The following SRSF11 variants were observed in gnomAD, a reference collection of about 807,000 sequenced individuals.
SRSF11 encodes serine/arginine-rich splicing factor 11.
Under a neutral mutation model 56.0 loss-of-function variants are expected in SRSF11, and 9 were observed. That is an observed-to-expected ratio of 0.16 (90% CI 0.10 to 0.28). The LOEUF (loss-of-function observed/expected upper bound fraction) is 0.28. Ranked by LOEUF, SRSF11 falls within the 10% of genes least tolerant of loss-of-function variation. SRSF11 has a pLI of 1.00. For synonymous variants in SRSF11, 222 were observed against 215.3 expected (o/e 1.03, Z -0.27); for missense variants, 421 against 600.7 (o/e 0.70, Z 3.13).
At chr1:70,232,595 C>T (rs888726449) in intron 3 of SRSF11, among the ~76,000 whole-genome samples, 2 of 152,140 alleles carry the variant, frequency 1.3e-5, no homozygotes, top group Admixed American at 6.5e-5. Context: ...TCACTTTTAC[C>T]ATTGGCTCTC....
intron 2 of SRSF11, chr1:70,231,944 C>T: frequency 1.3e-6 from 2 of 1,530,000 alleles, no homozygotes; most frequent in Non-Finnish European, 1.7e-6. Flanking sequence ...TGCTTGCTTA[C>T]GTTTGGTTCA....
At position 70,230,752 on chromosome 1, in the gene SRSF11, C is replaced by G. The variant is rs1432995285; in HGVS notation, c.338-1516C>G. ...TCTATCAGGTGTCTCACAATAAATT[C>G]AAGAGGATTTTAGTTTGCCAGAAAT... On this transcript the variant is annotated intron_variant, in intron 2 of 11. Transcript: ENST00000370949. 3.4e-6 allele frequency: 4 copies of G among 1,169,110 alleles called. No homozygotes were observed. The African/African-American group carries it at 6.5e-5, about 19-fold the overall frequency. 72.4% of individuals were successfully genotyped at this position (1,169,110 alleles called of 1,614,324 possible). A position where few individuals can be genotyped will look rare whatever the true frequency, so the allele number is the denominator to read the frequency against.
Position 70,232,255 on chromosome 1 carries a change from T to C in SRSF11, c.338-13T>C, listed in dbSNP as rs763446772. 15 of 1,614,076 alleles carry C rather than the reference T, an allele frequency of 9.3e-6. No homozygotes were observed. The highest frequency in any genetic ancestry group is 2.7e-5 in the African/African-American group (2 of 74,926). ...AAAAGAATGTGTTCTAATGCAAGGATGTTTCTCTGCAGGAGTTATTCCTGA... is the reference window on the plus strand; with the variant it reads ...AAAAGAATGTGTTCTAATGCAAGGACGTTTCTCTGCAGGAGTTATTCCTGA... On this transcript the variant is annotated splice_polypyrimidine_tract_variant and intron_variant, in intron 2 of 11. Transcript: ENST00000370949.
intron 1 of SRSF11, among the ~76,000 whole-genome samples, chr1:70,209,074 C>T (rs1006338588): frequency 6.6e-6 from 1 of 152,102 alleles, no homozygotes; most frequent in African/African-American, 2.4e-5. Context: ...AGCTTCTTTG[C>T]TAAATGAGAA....
chr1:70,225,427 A>G (rs1671550056), intron 1 of SRSF11, among the ~76,000 whole-genome samples: 1 of 152,174 alleles, frequency 6.6e-6, no homozygotes, highest in East Asian at 1.9e-4. Flanking sequence ...TTTCAGGTTA[A>G]TGTCGTCTTT....
At chr1:70,219,066 C>T (rs1196221708), upstream of SRSF11, among the ~76,000 whole-genome samples, 2 of 152,196 alleles carry the variant, frequency 1.3e-5, no homozygotes, top group African/African-American at 4.8e-5. Flanking sequence ...CACTAACTGG[C>T]ACAAGGTAAA....
chr1:70,244,719 C>A lies in SRSF11; in HGVS notation c.836C>A (p.Ser279Tyr). The A allele has an allele frequency of 6.2e-7, 1 of 1,614,126 alleles. No homozygotes were observed. Among genetic ancestry groups the A allele is most frequent in the African/African-American group, 1.3e-5 (1 of 75,038 alleles). ...AGCAGATCGAGACGGCGGTCACATT[C>A]TAAGTCTAGGAGTCGGCGACGATCC... ...SRSRSRRRSH[S>Y]KSRSRRRSKS... Residue 279 changes from serine to tyrosine, a missense_variant, in exon 8 of 12, where the codon TCT (serine) becomes TAT (tyrosine). Physicochemically the swap from Ser to Tyr is moderately radical, Grantham distance 144. This residue lies in a region of SRSF11 where 253 missense variants were observed against 305.8 expected (regional missense o/e 0.83). Transcript: ENST00000370949.
At chr1:70,244,558 G>T (rs1676303982) in intron 7 of SRSF11, 126 bp from the exon 8 acceptor site, 2 of 1,016,226 alleles carry the variant, frequency 2.0e-6, no homozygotes, top group Admixed American at 2.8e-5. Context: ...AATAGCAAAT[G>T]GAAGGGAATT....
chr1:70,239,920 A>C (rs1395224027), intron 7 of SRSF11, among the ~76,000 whole-genome samples: 2 of 152,162 alleles, frequency 1.3e-5, no homozygotes, highest in African/African-American at 4.8e-5. Context: ...ACAACAATGG[A>C]GTCATTTTCC....
chr1:70,245,680 A>G (rs1013902258), intron 8 of SRSF11, among the ~76,000 whole-genome samples: 5 of 152,200 alleles, frequency 3.3e-5, no homozygotes, highest in African/African-American at 9.7e-5. Flanking sequence ...AACGGGAGGC[A>G]TGCTTTCAGG....
At chr1:70,227,642 C>A (rs1483451596) in intron 1 of SRSF11, among the ~76,000 whole-genome samples, 1 of 152,098 alleles carries the variant, frequency 6.6e-6, no homozygotes, top group Non-Finnish European at 1.5e-5. Context: ...TTTGAGCTAC[C>A]CTGTAACTTA....
At chr1:70,238,486 G>A (rs1674608794) in intron 6 of SRSF11, among the ~76,000 whole-genome samples, 1 of 152,208 alleles carries the variant, frequency 6.6e-6, no homozygotes, top group Non-Finnish European at 1.5e-5. Flanking sequence ...ATGATAGTCA[G>A]TGAATGTAGA....
At chr1:70,235,367 A>T in intron 4 of SRSF11, 134 bp from the exon 5 acceptor site, 1 of 699,446 alleles carries the variant, frequency 1.4e-6, no homozygotes. Flanking sequence ...TTCTTTTTTA[A>T]TGTGGCTACT....
At chr1:70,211,615 T>G (rs941605940) in intron 1 of SRSF11, among the ~76,000 whole-genome samples, 1 of 152,188 alleles carries the variant, frequency 6.6e-6, no homozygotes, top group Non-Finnish European at 1.5e-5. Context: ...CACAATTTGG[T>G]AAGTGCTAGT....
Position 70,221,618 on chromosome 1 carries a change from C to G in SRSF11, c.-19C>G, listed in dbSNP as rs751818052. 6.2e-7 allele frequency: 1 copy of G among 1,601,604 alleles called. No individual in the cohort carries two copies. Among genetic ancestry groups the G allele is most frequent in the South Asian group, 1.1e-5 (1 of 89,528 alleles). On this transcript the variant is annotated 5_prime_UTR_variant, in exon 1 of 12. Transcript: ENST00000370949. ...TGTGTTTGATGTGTTAAAGCAGGAG[C>G]GAGAACCCGAGCAGCGCCATGAGCA...
intron 7 of SRSF11, among the ~76,000 whole-genome samples, chr1:70,239,721 C>G (rs1366009240): frequency 6.6e-6 from 1 of 151,948 alleles, no homozygotes; most frequent in African/African-American, 2.4e-5. Context: ...CTTTAAAACC[C>G]CCAAAAATTC....
At chr1:70,224,813 T>A (rs1252200622) in intron 1 of SRSF11, among the ~76,000 whole-genome samples, 1 of 152,226 alleles carries the variant, frequency 6.6e-6, no homozygotes, top group African/African-American at 2.4e-5. Flanking sequence ...CATATACTCT[T>A]TGTTAAACTG....
At chr1:70,242,656 A>G (rs1675752882) in intron 7 of SRSF11, among the ~76,000 whole-genome samples, 4 of 152,122 alleles carry the variant, frequency 2.6e-5, no homozygotes. Context: ...GACTTTCACA[A>G]GCTTTTTGAC....
At chr1:70,222,637 C>G (rs1189197939) in intron 1 of SRSF11, 1 of 152,074 alleles carries the variant, frequency 6.6e-6, no homozygotes, top group Non-Finnish European at 1.5e-5. Flanking sequence ...CTAAAACAGA[C>G]AATTGGAATA....
Sources: allele counts gnomAD v4.1 joint callset (sites outside exome capture counted in the v4.1 genomes callset), GRCh38; gene constraint gnomAD v4.1.1; regional missense constraint gnomAD v4.1.1; transcripts MANE v1.5; gene names NCBI Gene and HGNC (gene_info 2026-07-23, HGNC 2026-07-21).